The following MBNL1 variants were observed in gnomAD, a reference collection of about 807,000 sequenced individuals.
The protein encoded by MBNL1 is muscleblind like splicing regulator 1.
A neutral mutation model predicts 42.2 loss-of-function variants in MBNL1; 8 were observed. The observed-to-expected ratio is 0.19, with a 90% CI of 0.11 to 0.34. The LOEUF is 0.34. MBNL1 is among the 10% of genes least tolerant of loss of function. The pLI is 1.00. For synonymous variants in MBNL1, 169 were observed against 173.9 expected, an observed-to-expected ratio of 0.97 and a Z score of 0.22; for missense variants, 309 against 495.3, an observed-to-expected ratio of 0.62 and a Z score of 3.57.
At chr3:152,267,732 A>G (rs182163655), upstream of MBNL1, 48 of 152,294 alleles carry the variant, frequency 3.2e-4, no homozygotes, top group African/African-American at 1.1e-3. Context: ...GATCTAGCTA[A>G]AGGTCAAGAA....
At chr3:152,245,326 T>C (rs1013797026) in intron 2 of MBNL1, among the ~76,000 whole-genome samples, 2 of 152,178 alleles carry the variant, frequency 1.3e-5, no homozygotes, top group African/African-American at 4.8e-5. Flanking sequence ...GGTTTCTTTA[T>C]ACTTTGGTAA....
Position 152,315,738 on chromosome 3 carries a change from A to G in MBNL1, c.174+15371A>G, listed in dbSNP as rs556477801. Among the ~76,000 whole-genome samples, 13 of 152,278 alleles carry G rather than the reference A, an allele frequency of 8.5e-5. No homozygotes were observed. In the South Asian group the frequency reaches 2.5e-3, roughly 29 times the overall value. On this transcript the variant is annotated intron_variant, in intron 2 of 9. Coordinates refer to ENST00000324210, the MANE Select transcript of MBNL1 (RefSeq NM_021038.5). ...TTAGCAGCTCAGTTGGCTCTAATCC[A>G]TGGAAAAGTTTTTATTTCCCATCAG...
intron 2 of MBNL1, among the ~76,000 whole-genome samples, chr3:152,406,597 T>C (rs777800559): frequency 9.2e-5 from 14 of 152,180 alleles, no homozygotes; most frequent in Admixed American, 1.3e-4. Context: ...AGTTATGCCA[T>C]TTTCAAGATG....
At chr3:152,344,604 C>T (rs1245643105) in intron 2 of MBNL1, among the ~76,000 whole-genome samples, 1 of 152,142 alleles carries the variant, frequency 6.6e-6, no homozygotes, top group Non-Finnish European at 1.5e-5. Context: ...TAAACCAGTG[C>T]TCCTGTCAGT....
intron 9 of MBNL1, among the ~76,000 whole-genome samples, chr3:152,460,853 T>C (rs950505468): frequency 2.0e-5 from 3 of 152,202 alleles, no homozygotes; most frequent in African/African-American, 7.2e-5. Flanking sequence ...CAAATGAGTT[T>C]TTGGTGCTAC....
chr3:152,414,916 A>G, intron 2 of MBNL1, 25 bp from the exon 3 acceptor site: 4 of 1,605,490 alleles, frequency 2.5e-6, no homozygotes, highest in Non-Finnish European at 2.5e-6. Flanking sequence ...TTCTAAGATG[A>G]TGTTTGCTGC....
At chr3:152,321,684 G>A (rs2076559196) in intron 2 of MBNL1, among the ~76,000 whole-genome samples, 1 of 151,984 alleles carries the variant, frequency 6.6e-6, no homozygotes, top group Non-Finnish European at 1.5e-5. Context: ...TTATTAAAAT[G>A]CTCAAGAGAC....
intron 2 of MBNL1, among the ~76,000 whole-genome samples, chr3:152,383,594 C>A (rs1245705182): frequency 6.6e-6 from 1 of 152,006 alleles, no homozygotes; most frequent in Non-Finnish European, 1.5e-5. Context: ...GTTTCTTATG[C>A]CTGTGGAATA....
chr3:152,359,674 G>GT (rs1429084721), intron 2 of MBNL1, among the ~76,000 whole-genome samples: 3 of 152,298 alleles, frequency 2.0e-5, no homozygotes, highest in Admixed American at 1.3e-4. Context: ...TGAGAGAGGA[G>GT]TATAATAAAA....
chr3:152,461,488 A>G (rs1745814813), intron 9 of MBNL1, among the ~76,000 whole-genome samples: 1 of 152,196 alleles, frequency 6.6e-6, no homozygotes, highest in Non-Finnish European at 1.5e-5. Context: ...TATATATTTA[A>G]CTAAATTCTG....
chr3:152,354,727 C>T (rs909273773), intron 2 of MBNL1, among the ~76,000 whole-genome samples: 1 of 151,152 alleles, frequency 6.6e-6, no homozygotes, highest in Non-Finnish European at 1.5e-5. Context: ...AAGTAAATAC[C>T]AACTTAGCAT....
intron 2 of MBNL1, among the ~76,000 whole-genome samples, chr3:152,384,576 T>C (rs540458024): frequency 6.6e-6 from 1 of 152,198 alleles, no homozygotes; most frequent in Admixed American, 6.6e-5. Flanking sequence ...ACAAATAGAT[T>C]GCAGTGAGCA....
intron 4 of MBNL1, among the ~76,000 whole-genome samples, chr3:152,442,275 C>A (rs1451737384): frequency 6.6e-6 from 1 of 152,114 alleles, no homozygotes; most frequent in African/African-American, 2.4e-5. Flanking sequence ...ATTATGTACA[C>A]TATTTGATGA....
intron 2 of MBNL1, among the ~76,000 whole-genome samples, chr3:152,383,546 G>A (rs909260332): frequency 7.2e-5 from 11 of 152,014 alleles, no homozygotes; most frequent in African/African-American, 2.7e-4. Flanking sequence ...GACTAGATGA[G>A]CTGGTGTAAA....
chr3:152,429,570 C>T (rs1181500449), intron 3 of MBNL1, among the ~76,000 whole-genome samples: 3 of 152,128 alleles, frequency 2.0e-5, no homozygotes, highest in African/African-American at 7.2e-5. Context: ...TAATATCTGT[C>T]TTTGAGATTC....
chr3:152,310,821 G>T (rs1054195068), intron 2 of MBNL1, among the ~76,000 whole-genome samples: 1 of 151,786 alleles, frequency 6.6e-6, no homozygotes, highest in Non-Finnish European at 1.5e-5. Flanking sequence ...TAGACTGTTT[G>T]GGGGGGTTGG....
chr3:152,457,841 C>A, intron 8 of MBNL1: 2 of 332,184 alleles, frequency 6.0e-6, no homozygotes, highest in Non-Finnish European at 1.1e-5. Context: ...TGCCCTTGGC[C>A]ACCTGGGTTG....
chr3:152,334,003 TA>T (rs1218745133), intron 2 of MBNL1, among the ~76,000 whole-genome samples: 1 of 152,214 alleles, frequency 6.6e-6, no homozygotes, highest in Non-Finnish European at 1.5e-5. Context: ...ATCTAATCCT[TA>T]GAGGAGTTGT....
chr3:152,444,147 A>C (rs879589660), intron 4 of MBNL1, among the ~76,000 whole-genome samples: 6 of 152,324 alleles, frequency 3.9e-5, no homozygotes, highest in Admixed American at 2.6e-4. Flanking sequence ...AAGATACTTG[A>C]ACAATTAAAA....
Sources: allele counts gnomAD v4.1 joint callset (sites outside exome capture counted in the v4.1 genomes callset), GRCh38; gene constraint gnomAD v4.1.1; transcripts MANE v1.5; gene names NCBI Gene and HGNC (gene_info 2026-07-23, HGNC 2026-07-21).